MPZL1: variants seen among roughly 807,000 people sequenced by gnomAD.
The protein encoded by MPZL1 is myelin protein zero-like protein 1.
In MPZL1, 16 loss-of-function variants were observed where a neutral mutation model predicts 29.3. The observed-to-expected ratio is 0.55, with a 90% CI of 0.37 to 0.83. MPZL1 has a LOEUF of 0.83. MPZL1 is among the 40% of genes least tolerant of loss of function. The pLI is 0.00. For synonymous variants in MPZL1, 143 were observed against 132.0 expected (o/e 1.08, Z -0.57); for missense variants, 279 against 332.9 (o/e 0.84, Z 1.26).
chr1:167,731,038 A>G (rs1473558535), intron 1 of MPZL1, among the ~76,000 whole-genome samples: 1 of 152,202 alleles, frequency 6.6e-6, no homozygotes, highest in Admixed American at 6.5e-5. Context: ...GAAGAACTGC[A>G]GTGAGGCTTG....
At chr1:167,731,710 T>C (rs1660276821) in intron 1 of MPZL1, among the ~76,000 whole-genome samples, 1 of 151,578 alleles carries the variant, frequency 6.6e-6, no homozygotes, top group South Asian at 2.1e-4. Flanking sequence ...ACTGCTGGGA[T>C]TACAGGCGTG....
intron 1 of MPZL1, among the ~76,000 whole-genome samples, chr1:167,744,233 C>T (rs555232501): frequency 3.9e-5 from 6 of 152,164 alleles, no homozygotes; most frequent in Admixed American, 6.5e-5. Flanking sequence ...TTTCTTGTCT[C>T]GGGTAACCCT....
At chr1:167,784,302 A>G (rs1661550341) in intron 5 of MPZL1, among the ~76,000 whole-genome samples, 1 of 152,224 alleles carries the variant, frequency 6.6e-6, no homozygotes, top group Non-Finnish European at 1.5e-5. Context: ...CTGAAAACAT[A>G]CTCAGACCAA....
intron 1 of MPZL1, among the ~76,000 whole-genome samples, chr1:167,759,576 T>C (rs1284003000): frequency 6.6e-6 from 1 of 152,236 alleles, no homozygotes; most frequent in African/African-American, 2.4e-5. Context: ...GGTCAGAAAC[T>C]GCGGCTCTGT....
At chr1:167,726,552 A>G (rs1660149132) in intron 1 of MPZL1, among the ~76,000 whole-genome samples, 1 of 152,202 alleles carries the variant, frequency 6.6e-6, no homozygotes, top group Admixed American at 6.5e-5. Flanking sequence ...ATGATTTAGC[A>G]TGGTATAGTA....
intron 5 of MPZL1, among the ~76,000 whole-genome samples, chr1:167,781,223 C>T (rs568185772): frequency 2.6e-5 from 4 of 152,056 alleles, no homozygotes; most frequent in East Asian, 1.9e-4. Flanking sequence ...AAAAAAGATG[C>T]GGAAGACTTA....
At position 167,788,468 on chromosome 1, in the gene MPZL1, A is replaced by G. The variant is rs1322151783; in HGVS notation, c.*547A>G. The G allele has an allele frequency of 6.6e-6, 1 of 152,552 alleles. No homozygotes were observed. The highest frequency in any genetic ancestry group is 1.5e-5 in the Non-Finnish European group (1 of 68,114). The allele number at this position is 152,552 out of a possible 1,614,324, so 9.4% of individuals were successfully genotyped here. ...CCATTGGCTATGCCACTTGAAAACA[A>G]TTTGAGAAGTTTTTTTGAAGTTTTT... On this transcript the variant is annotated 3_prime_UTR_variant, in exon 6 of 6. Coordinates refer to ENST00000359523, the MANE Select transcript of MPZL1 (RefSeq NM_003953.6).
intron 2 of MPZL1, among the ~76,000 whole-genome samples, chr1:167,771,422 C>G (rs1010563612): frequency 1.3e-5 from 2 of 152,184 alleles, no homozygotes; most frequent in Admixed American, 6.5e-5. Flanking sequence ...ACAATCTGAT[C>G]TCTCTTTCTT....
intron 5 of MPZL1, among the ~76,000 whole-genome samples, chr1:167,779,386 A>G (rs552729719): frequency 1.1e-4 from 17 of 152,052 alleles, no homozygotes; most frequent in Admixed American, 5.9e-4. Context: ...GGAGTTCGAA[A>G]CCAGCCTGGC....
chr1:167,779,021 C>G (rs1226566158), intron 5 of MPZL1, among the ~76,000 whole-genome samples: 1 of 151,844 alleles, frequency 6.6e-6, no homozygotes, highest in Admixed American at 6.6e-5. Flanking sequence ...ACTCAGGAGG[C>G]TGAGGCAAGA....
At chr1:167,734,699 T>C (rs1042927336) in intron 1 of MPZL1, among the ~76,000 whole-genome samples, 1 of 152,084 alleles carries the variant, frequency 6.6e-6, no homozygotes, top group Non-Finnish European at 1.5e-5. Context: ...AAGAGAGGCG[T>C]TGGGGGTAGG....
At chr1:167,780,895 C>T (rs945202476) in intron 5 of MPZL1, among the ~76,000 whole-genome samples, 3 of 152,072 alleles carry the variant, frequency 2.0e-5, no homozygotes, top group Admixed American at 2.0e-4. Context: ...TATTTTACCA[C>T]ATTTTTTAAA....
chr1:167,763,911 A>G (rs1461105961), intron 1 of MPZL1, among the ~76,000 whole-genome samples: 1 of 152,262 alleles, frequency 6.6e-6, no homozygotes, highest in Non-Finnish European at 1.5e-5. Flanking sequence ...AGAATAGCCA[A>G]AAGTGCCCAT....
chr1:167,755,788 A>G (rs150108543), intron 1 of MPZL1, among the ~76,000 whole-genome samples: 2 of 152,292 alleles, frequency 1.3e-5, no homozygotes, highest in African/African-American at 4.8e-5. Flanking sequence ...CTGCAGCCGC[A>G]CTGTAGATGT....
chr1:167,766,466 T>A (rs1478762029), intron 2 of MPZL1, among the ~76,000 whole-genome samples: 1 of 152,222 alleles, frequency 6.6e-6, no homozygotes. Context: ...TCAAGATAAG[T>A]GCTCAGGAGA....
intron 1 of MPZL1, among the ~76,000 whole-genome samples, chr1:167,731,760 A>G (rs1483880489): frequency 6.6e-6 from 1 of 152,044 alleles, no homozygotes; most frequent in East Asian, 1.9e-4. Flanking sequence ...TCAAAAAAAA[A>G]AAAGGGGGAT....
chr1:167,761,612 G>A (rs945427988), intron 1 of MPZL1, among the ~76,000 whole-genome samples: 1 of 152,228 alleles, frequency 6.6e-6, no homozygotes, highest in African/African-American at 2.4e-5. Flanking sequence ...TTTGAGGTTA[G>A]AGAGGAAGGT....
chr1:167,783,818 G>C lies in MPZL1; in HGVS notation c.709-4002G>C, dbSNP rs190803268. ...TCAAAGAAAGTCATAATACATAGCTGTGTTTCATATTTATATTTTACTTAA... is the reference window on the plus strand; with the variant it reads ...TCAAAGAAAGTCATAATACATAGCTCTGTTTCATATTTATATTTTACTTAA... On this transcript the variant is annotated intron_variant, in intron 5 of 5. Transcript: ENST00000359523. Among the ~76,000 whole-genome samples the C allele has an allele frequency of 3.1e-3, 468 of 152,054 alleles. 1 individual carries two copies. Among genetic ancestry groups the C allele is most frequent in the Non-Finnish European group, 5.7e-3 (385 of 67,994 alleles).
intron 5 of MPZL1, among the ~76,000 whole-genome samples, chr1:167,780,370 AG>A (rs2101797278): frequency 6.6e-6 from 1 of 152,362 alleles, no homozygotes; most frequent in Admixed American, 6.5e-5. Flanking sequence ...TTAAATAAAA[AG>A]ATCCAGGTAG....
Sources: gnomAD v4.1 joint callset for allele counts (sites outside exome capture counted in the v4.1 genomes callset) on GRCh38, gnomAD v4.1.1 for gene constraint, MANE v1.5 for transcripts, NCBI Gene and HGNC (gene_info 2026-07-23, HGNC 2026-07-21) for gene names.